Variants in ADGRV1 observed in about 807,000 individuals in gnomAD.
ADGRV1 encodes the protein adhesion G protein-coupled receptor V1.
Under a neutral mutation model 596.2 loss-of-function variants are expected in ADGRV1, and 359 were observed. The ratio of observed to expected loss-of-function variants is 0.60; its 90% confidence interval spans 0.55 to 0.66. ADGRV1 has a LOEUF of 0.66. ADGRV1 is among the 30% of genes least tolerant of loss of function. The probability of loss-of-function intolerance (pLI) is 0.00; values close to 1 mark genes in which losing one functional copy is unlikely to be tolerated. For synonymous variants in ADGRV1, 2,681 were observed against 2,679.2 expected, an observed-to-expected ratio of 1.00 and a Z score of -0.02; for missense variants, 7,274 against 7,575.6, an observed-to-expected ratio of 0.96 and a Z score of 1.48.
chr5:90,885,780 G>A (rs1348772086), intron 83 of ADGRV1, among the ~76,000 whole-genome samples: 12 of 152,082 alleles, frequency 7.9e-5, no homozygotes, highest in Non-Finnish European at 4.4e-5. Flanking sequence ...CCCATAATTT[G>A]TCTGGCCCTT....
intron 45 of ADGRV1, among the ~76,000 whole-genome samples, chr5:90,721,545 A>T (rs1460694658): frequency 0.032 from 731 of 22,768 alleles, 24 homozygotes; most frequent in East Asian, 0.26. Context: ...ATAAAATAAA[A>T]TAAAATAAAA....
rs552535298 is a variant in ADGRV1 at position 90,723,922 on chromosome 5, CCTTTTTTTTT to C, written c.9749-899_9749-890del. Among the ~76,000 whole-genome samples, 86 of 150,580 alleles carry C rather than the reference CCTTTTTTTTT, an allele frequency of 5.7e-4. 1 individual carries two copies. In the East Asian group the frequency reaches 0.012, roughly 22 times the overall value. On this transcript the variant is annotated intron_variant, in intron 45 of 89. Transcript: ENST00000405460. ...TTAGTTAGGGGATTTTTATTTTTGCCCTTTTTTTTTCTTTTTTTTTGTAGTACAGAATTTT... is the reference window on the plus strand; with the variant it reads ...TTAGTTAGGGGATTTTTATTTTTGCCCTTTTTTTTTGTAGTACAGAATTTT...
At chr5:91,113,111 G>A (rs1228071030) in intron 87 of ADGRV1, among the ~76,000 whole-genome samples, 1 of 152,136 alleles carries the variant, frequency 6.6e-6, no homozygotes, top group Non-Finnish European at 1.5e-5. Flanking sequence ...TAGCTCCTCT[G>A]TAACTACCAT....
chr5:91,058,337 G>A lies in ADGRV1; in HGVS notation c.18153-14110G>A, dbSNP rs1321928575. On this transcript the variant is annotated intron_variant, in intron 85 of 89. Coordinates refer to ENST00000405460, the MANE Select transcript of ADGRV1 (RefSeq NM_032119.4). ...CTAATGGGCAGCTCAGAATGGCAGGGATATTAATAGTGGCCTGCATTCCAA... is the reference window on the plus strand; with the variant it reads ...CTAATGGGCAGCTCAGAATGGCAGGAATATTAATAGTGGCCTGCATTCCAA... Among the ~76,000 whole-genome samples the A allele has an allele frequency of 2.6e-5, 4 of 152,232 alleles. No homozygotes were observed. The South Asian group carries it at 6.2e-4, about 24-fold the overall frequency.
chr5:90,976,468 T>A (rs557722729), intron 84 of ADGRV1, among the ~76,000 whole-genome samples: 29 of 151,692 alleles, frequency 1.9e-4, no homozygotes, highest in Non-Finnish European at 3.2e-4. Context: ...AATTACATTA[T>A]TTTTTGGGTA....
intron 50 of ADGRV1, among the ~76,000 whole-genome samples, chr5:90,735,066 G>C (rs1046377177): frequency 7.9e-5 from 12 of 152,082 alleles, no homozygotes; most frequent in Admixed American, 7.2e-4. Flanking sequence ...TTTTGCTTTT[G>C]TCGCCTCAAC....
chr5:91,150,099 A>G lies in ADGRV1; in HGVS notation c.18502A>G (p.Thr6168Ala), dbSNP rs1159721090. 2 of 1,566,544 alleles carry G rather than the reference A, an allele frequency of 1.3e-6. No homozygotes were observed. The highest frequency in any genetic ancestry group is 1.9e-5 in the Admixed American group (1 of 52,254). Residue 6168 changes from threonine to alanine, a missense_variant, in exon 88 of 90, where the codon ACT (threonine) becomes GCT (alanine). Coordinates refer to ENST00000405460, the MANE Select transcript of ADGRV1 (RefSeq NM_032119.4). Reference protein sequence around the residue: ...QMCCPMKASYTVEMNGHPGPS... With the variant: ...QMCCPMKASYAVEMNGHPGPS... ...GTGTTGCCCTATGAAGGCCAGTTACACTGTGGAAATGAATGGGCATCCTGG... is the reference window on the plus strand; with the variant it reads ...GTGTTGCCCTATGAAGGCCAGTTACGCTGTGGAAATGAATGGGCATCCTGG...
At chr5:90,810,119 T>C (rs1762299114) in intron 73 of ADGRV1, 114 bp from the exon 74 acceptor site, 3 of 811,086 alleles carry the variant, frequency 3.7e-6, no homozygotes, top group South Asian at 4.0e-5. Context: ...GGCACGTCAT[T>C]GTTAAGTTGC....
At chr5:91,056,448 C>T (rs562629328) in intron 85 of ADGRV1, among the ~76,000 whole-genome samples, 461 of 152,154 alleles carry the variant, frequency 3.0e-3, no homozygotes, top group Middle Eastern at 6.8e-3. Flanking sequence ...CATCACAATC[C>T]GATTGAGAAA....
rs1731412025 is a variant in ADGRV1 at position 90,647,385 on chromosome 5, A to G, written c.3023-113A>G. 8.5e-6 allele frequency: 9 copies of G among 1,064,834 alleles called. No individual in the cohort carries two copies. In the Admixed American group the frequency reaches 1.7e-4, roughly 20 times the overall value. 66.0% of individuals were successfully genotyped at this position (1,064,834 alleles called of 1,614,324 possible). A position where few individuals can be genotyped will look rare whatever the true frequency, so the allele number is the denominator to read the frequency against. ...TGGGAACAGAGCTAATTATTTTGGC[A>G]AAGACACAGTACAAGGCTTCTCTCT... On this transcript the variant is annotated intron_variant, in intron 16 of 89. Transcript: ENST00000405460.
At chr5:90,993,154 C>CT (rs1235025923) in intron 85 of ADGRV1, among the ~76,000 whole-genome samples, 13,601 of 97,646 alleles carry the variant, frequency 0.14, 1,362 homozygotes, top group African/African-American at 0.24. Flanking sequence ...TTGGTTTTCA[C>CT]TTTTTTTTTT....
At position 90,653,245 on chromosome 5, in the gene ADGRV1, C is replaced by A; in HGVS notation, c.3671C>A (p.Thr1224Asn). The A allele has an allele frequency of 6.2e-7, 1 of 1,612,652 alleles. No homozygotes were observed. Among genetic ancestry groups the A allele is most frequent in the Non-Finnish European group, 8.5e-7 (1 of 1,178,976 alleles). The change falls in exon 20 of 90, where the codon ACC becomes AAC. Residue 1224 changes from threonine to asparagine, a missense_variant. Around this residue, in one of 5 missense-constraint regions of ADGRV1, gnomAD observed 1,715 missense variants for 1,708.8 expected, o/e 1.00. Transcript: ENST00000405460. ...SPGPGGQLAE[T>N]NLQVTVMVPF... ...GGTCCTGGGGGCCAGCTAGCAGAAA[C>A]CAACCTCCAGGTGACAGTAATGGTT...
At chr5:90,736,007 C>T (rs945662319) in intron 50 of ADGRV1, among the ~76,000 whole-genome samples, 3 of 152,070 alleles carry the variant, frequency 2.0e-5, no homozygotes, top group Admixed American at 6.6e-5. Context: ...ACTTTCAGAA[C>T]GATGTTGAAA....
chr5:90,581,371 A>G (rs11960201), intron 1 of ADGRV1, among the ~76,000 whole-genome samples: 13,606 of 152,074 alleles, frequency 0.089, 1,913 homozygotes, highest in African/African-American at 0.31. Context: ...TTCTGCTCTG[A>G]TTTCTCCCCA....
intron 52 of ADGRV1, among the ~76,000 whole-genome samples, chr5:90,748,489 G>T (rs921176321): frequency 6.6e-6 from 1 of 151,934 alleles, no homozygotes; most frequent in Non-Finnish European, 1.5e-5. Context: ...ATTTTAGTGC[G>T]CATTTTACAC....
chr5:91,017,582 C>A (rs923393638), intron 85 of ADGRV1, among the ~76,000 whole-genome samples: 4 of 151,832 alleles, frequency 2.6e-5, no homozygotes, highest in Non-Finnish European at 5.9e-5. Context: ...CTGTGCTGTG[C>A]CTCTTGGTAA....
chr5:90,696,005 A>T (rs1561545548), intron 33 of ADGRV1, among the ~76,000 whole-genome samples: 1 of 152,128 alleles, frequency 6.6e-6, no homozygotes, highest in Non-Finnish European at 1.5e-5. Context: ...CACAAAATGG[A>T]CTCTATTGCT....
At chr5:90,657,807 A>G (rs892016304) in intron 20 of ADGRV1, 98 bp from the exon 21 acceptor site, 14 of 1,284,924 alleles carry the variant, frequency 1.1e-5, no homozygotes, top group Non-Finnish European at 1.3e-5. Flanking sequence ...ATCCAAAAAT[A>G]TCTTTCAGTA....
chr5:91,150,232 T>C lies in ADGRV1; in HGVS notation c.18624+11T>C. The C allele has an allele frequency of 6.6e-7, 1 of 1,517,210 alleles. No individual in the cohort carries two copies. Among genetic ancestry groups the C allele is most frequent in the East Asian group, 2.3e-5 (1 of 43,260 alleles). 94.0% of individuals were successfully genotyped at this position (1,517,210 alleles called of 1,614,324 possible). On this transcript the variant is annotated intron_variant, in intron 88 of 89. Transcript: ENST00000405460. ...GGTGCTATGGAGGAGGTGTCTGCCC[T>C]TGCCCTTTCATTCTCTGTCTCTCTG...
Sources: gnomAD v4.1 joint callset for allele counts (sites outside exome capture counted in the v4.1 genomes callset) on GRCh38, gnomAD v4.1.1 for gene constraint, gnomAD v4.1.1 regional missense constraint, MANE v1.5 for transcripts, NCBI Gene and HGNC (gene_info 2026-07-23, HGNC 2026-07-21) for gene names.